The following TANK variants were observed in gnomAD, a reference collection of about 807,000 sequenced individuals.
The protein encoded by TANK is TRAF family member-associated NF-kappa-B activator.
A neutral mutation model predicts 43.6 loss-of-function variants in TANK; 15 were observed. The observed-to-expected ratio is 0.34, with a 90% confidence interval of 0.23 to 0.53. The LOEUF (loss-of-function observed/expected upper bound fraction) is 0.53. TANK is among the 20% of genes least tolerant of loss of function. The probability of loss-of-function intolerance (pLI) is 0.94; values close to 1 mark genes in which losing one functional copy is unlikely to be tolerated. For synonymous variants in TANK, 162 were observed against 178.2 expected (o/e 0.91, Z 0.73); for missense variants, 417 against 498.6 (o/e 0.84, Z 1.56).
At chr2:161,166,568 T>A (rs570533968) in intron 1 of TANK, among the ~76,000 whole-genome samples, 1 of 152,294 alleles carries the variant, frequency 6.6e-6, no homozygotes, top group South Asian at 2.1e-4. Context: ...ATTTTTTTGC[T>A]TTTTACTCCT....
At chr2:161,138,726 A>G (rs1293806068) in intron 1 of TANK, among the ~76,000 whole-genome samples, 1 of 152,216 alleles carries the variant, frequency 6.6e-6, no homozygotes, top group Non-Finnish European at 1.5e-5. Context: ...TCTTTTAAAC[A>G]CTTATGACAT....
chr2:161,185,491 T>G (rs1685616343), intron 2 of TANK, among the ~76,000 whole-genome samples: 1 of 151,712 alleles, frequency 6.6e-6, no homozygotes, highest in Non-Finnish European at 1.5e-5. Flanking sequence ...TTTTGTTTTT[T>G]TTTTCTTTTT....
At chr2:161,195,716 G>T (rs1233682011) in intron 2 of TANK, among the ~76,000 whole-genome samples, 1 of 152,132 alleles carries the variant, frequency 6.6e-6, no homozygotes, top group Non-Finnish European at 1.5e-5. Context: ...GGCTACTAGA[G>T]AATAGGCTAT....
At chr2:161,219,429 C>T (rs1687247346) in intron 4 of TANK, among the ~76,000 whole-genome samples, 2 of 152,142 alleles carry the variant, frequency 1.3e-5, no homozygotes. Flanking sequence ...GTGGGTTTGC[C>T]TAGCACACTG....
chr2:161,194,066 C>T (rs1355942103), intron 2 of TANK, among the ~76,000 whole-genome samples: 2 of 152,034 alleles, frequency 1.3e-5, no homozygotes, highest in East Asian at 3.9e-4. Context: ...TGCCACTGTT[C>T]CATGAGAGAA....
chr2:161,139,763 G>A (rs1683687630), intron 1 of TANK: 1 of 985,354 alleles, frequency 1.0e-6, no homozygotes, highest in Non-Finnish European at 1.2e-6. Context: ...AAAACAATGT[G>A]ACATAAGCCA....
At chr2:161,180,705 T>C (rs1685379504) in intron 2 of TANK, among the ~76,000 whole-genome samples, 1 of 152,144 alleles carries the variant, frequency 6.6e-6, no homozygotes, top group African/African-American at 2.4e-5. Flanking sequence ...CAACTCAACA[T>C]TGGATCATAC....
chr2:161,205,931 G>T (rs1040976403), intron 4 of TANK, among the ~76,000 whole-genome samples: 20 of 152,158 alleles, frequency 1.3e-4, no homozygotes, highest in African/African-American at 4.8e-4. Context: ...ATGCTGCCAT[G>T]CGTGGCTAAT....
At chr2:161,156,098 T>C, upstream of TANK, 1 of 984,796 alleles carries the variant, frequency 1.0e-6, no homozygotes, top group Non-Finnish European at 1.2e-6. Flanking sequence ...TAGCTTCTGA[T>C]ATATCTGTGG....
chr2:161,224,028 T>C (rs1361518750), intron 5 of TANK, 37 bp downstream of exon 5: 1 of 1,285,918 alleles, frequency 7.8e-7, no homozygotes, highest in South Asian at 1.4e-5. Context: ...TCTTAAAAAT[T>C]ATCAATACTG....
chr2:161,175,491 G>A (rs1423148680), intron 1 of TANK, among the ~76,000 whole-genome samples: 1 of 152,150 alleles, frequency 6.6e-6, no homozygotes, highest in Admixed American at 6.5e-5. Context: ...ATCCCTTGCT[G>A]TTCCCCATAT....
At chr2:161,138,066 C>G in intron 1 of TANK, 1 of 493,500 alleles carries the variant, frequency 2.0e-6, no homozygotes, top group Non-Finnish European at 2.6e-6. Flanking sequence ...AAGTGTTAAT[C>G]TTATAGACAA....
In TANK at chr2:161,231,196, C is replaced by T. The variant is rs1239604686; in HGVS notation, c.746C>T (p.Thr249Ile). ...AATGACTCAACTTTCTTACATAGCA[C>T]TCCAGAGAGACCCGGCATCCTTAGT... ...MDNDSTFLHS[T>I]PERPGILSPA... The change falls in exon 7 of 8, where the codon ACT (threonine) becomes ATT (isoleucine). Residue 249 changes from threonine (T) to isoleucine (I), a missense_variant. Thr to Ile is a moderately conservative substitution (Grantham distance 89). Coordinates refer to ENST00000392749, the MANE Select transcript of TANK (RefSeq NM_001199135.3). 8 of 1,613,886 alleles carry T rather than the reference C, an allele frequency of 5.0e-6. No homozygotes were observed. The highest frequency in any genetic ancestry group is 1.3e-5 in the African/African-American group (1 of 74,936).
At position 161,165,039 on chromosome 2, in the gene TANK, CTTT is replaced by C. The variant is rs11314845; in HGVS notation, c.-50+4572_-50+4574del. Among the ~76,000 whole-genome samples the C allele has an allele frequency of 8.0e-3, 778 of 97,718 alleles. 5 individuals carry two copies. Among genetic ancestry groups the C allele is most frequent in the African/African-American group, 0.025 (684 of 27,280 alleles). 64.1% of individuals were successfully genotyped at this position (97,718 alleles called of 152,430 possible). A position where few individuals can be genotyped will look rare whatever the true frequency, so the allele number is the denominator to read the frequency against. ...TAATAGCTTTTACTTAACACCAATA[CTTT>C]TTTTTTTTTTTTTTTTTTGCAAAAG... On this transcript the variant is annotated intron_variant, in intron 1 of 7. Coordinates refer to ENST00000392749, the MANE Select transcript of TANK (RefSeq NM_001199135.3).
intron 2 of TANK, among the ~76,000 whole-genome samples, chr2:161,197,155 G>A (rs368000544): frequency 7.9e-5 from 12 of 152,262 alleles, no homozygotes; most frequent in African/African-American, 2.4e-4. Context: ...ATATCTGTAC[G>A]TACTTGTACA....
intron 4 of TANK, among the ~76,000 whole-genome samples, chr2:161,206,300 TG>T (rs1179290858): frequency 6.6e-6 from 1 of 152,128 alleles, no homozygotes; most frequent in East Asian, 1.9e-4. Context: ...TGGCTTTTAG[TG>T]GGACGATACA....
At chr2:161,204,968 G>A in intron 4 of TANK, 175 bp downstream of exon 4, 1 of 1,386,940 alleles carries the variant, frequency 7.2e-7, no homozygotes, top group Non-Finnish European at 9.3e-7. Context: ...TAAAGGCTGA[G>A]GTTTTGTATT....
intron 1 of TANK, chr2:161,161,147 C>A: frequency 7.1e-7 from 1 of 1,400,538 alleles, no homozygotes; most frequent in Non-Finnish European, 9.4e-7. Context: ...CAACGAGTTA[C>A]AGGCAAAAAA....
At chr2:161,198,549 G>A (rs921031803) in intron 2 of TANK, among the ~76,000 whole-genome samples, 1 of 152,318 alleles carries the variant, frequency 6.6e-6, no homozygotes, top group East Asian at 1.9e-4. Flanking sequence ...TCACTCCCAC[G>A]GCTGTGGATA....
Sources: gnomAD v4.1 joint callset for allele counts (sites outside exome capture counted in the v4.1 genomes callset) on GRCh38, gnomAD v4.1.1 for gene constraint, MANE v1.5 for transcripts, NCBI Gene and HGNC (gene_info 2026-07-23, HGNC 2026-07-21) for gene names.